OR4F15: variants seen among roughly 807,000 people sequenced by gnomAD.
OR4F15 encodes olfactory receptor family 4 subfamily F member 15.
OR4F15 carries 7 observed loss-of-function variants against 11.9 expected under a neutral mutation model. The observed-to-expected ratio is 0.59, with a 90% CI of 0.33 to 1.10. The LOEUF (loss-of-function observed/expected upper bound fraction) is 1.10. Ranked by LOEUF, OR4F15 falls within the 50% of genes least tolerant of loss-of-function variation. The pLI is 0.03. For missense variants in OR4F15, 445 were observed against 377.5 expected (o/e 1.18, Z -1.48); for synonymous variants, 151 against 134.6 (o/e 1.12, Z -0.84).
intron 1 of OR4F15, among the ~76,000 whole-genome samples, chr15:101,814,343 ATTTC>A (rs1902954818): frequency 6.6e-6 from 1 of 152,064 alleles, no homozygotes. Flanking sequence ...TGGATCACTT[ATTTC>A]TTCATCATTA....
intron 1 of OR4F15, among the ~76,000 whole-genome samples, chr15:101,817,263 G>A (rs1903005466): frequency 6.6e-6 from 1 of 152,198 alleles, no homozygotes; most frequent in African/African-American, 2.4e-5. Context: ...TAGGGATACT[G>A]TGATAATTCC....
At chr15:101,818,118 G>A (rs1292774472) in intron 1 of OR4F15, 32 bp from the exon 2 acceptor site, 2 of 997,612 alleles carry the variant, frequency 2.0e-6, no homozygotes, top group African/African-American at 3.2e-5. Context: ...ACTTGCCTAG[G>A]TAATTCTTTC....
At chr15:101,815,173 G>T (rs780549932) in intron 1 of OR4F15, among the ~76,000 whole-genome samples, 3 of 152,094 alleles carry the variant, frequency 2.0e-5, no homozygotes, top group Non-Finnish European at 2.9e-5. Flanking sequence ...AAATTGCTCT[G>T]ATAACCTTAG....
chr15:101,813,636 A>G (rs536881922), intron 1 of OR4F15, among the ~76,000 whole-genome samples: 66 of 152,304 alleles, frequency 4.3e-4, no homozygotes, highest in Non-Finnish European at 7.4e-5. Context: ...TTCAGAACGT[A>G]GTCTCAGATC....
intron 1 of OR4F15, among the ~76,000 whole-genome samples, chr15:101,816,862 C>T (rs1902997368): frequency 6.6e-6 from 1 of 152,102 alleles, no homozygotes; most frequent in South Asian, 2.1e-4. Context: ...ACTTAATCTC[C>T]ATTACTCAAT....
At position 101,819,251 on chromosome 15, in the gene OR4F15, A is replaced by G. The variant is rs1903061794; in HGVS notation, c.*126A>G. On this transcript the variant is annotated 3_prime_UTR_variant, in exon 2 of 2. Transcript: ENST00000332238. ...TATATGCCTGAAAATTTATGAAATC[A>G]TGGTAACAATTTCACCATTAAATTA... 1.6e-6 allele frequency: 1 copy of G among 635,956 alleles called. No individual in the cohort carries two copies. Among genetic ancestry groups the G allele is most frequent in the East Asian group, 2.7e-5 (1 of 36,460 alleles). The allele number at this position is 635,956 out of a possible 1,614,324, so 39.4% of individuals were successfully genotyped here.
rs770616917 is a variant in OR4F15, at chr15:101,818,300, C to T, written c.114C>T (p.Ser38=). ...TCTCTTTGTTGTTCTACTTTGCGAG[C>T]ATGATGGGAAACCTTGTCATTGTAT... ...FVFSLLFYFA[S]MMGNLVIVFT... The change falls in exon 2 of 2, where the codon AGC becomes AGT. Residue 38 remains serine, a synonymous_variant. Transcript: ENST00000332238. 1.2e-6 allele frequency: 2 copies of T among 1,613,984 alleles called. No individual in the cohort carries two copies. Among genetic ancestry groups the T allele is most frequent in the Non-Finnish European group, 1.7e-6 (2 of 1,179,882 alleles).
chr15:101,817,956 T>C (rs1030462424), intron 1 of OR4F15, among the ~76,000 whole-genome samples, 194 bp from the exon 2 acceptor site: 2 of 152,160 alleles, frequency 1.3e-5, no homozygotes, highest in African/African-American at 4.8e-5. Context: ...AATTTAGTAG[T>C]AGTAGTTTTG....
Position 101,813,038 on chromosome 15 carries a change from A to G in OR4F15, c.-38+766A>G, listed in dbSNP as rs543313187. ...ATTGAGGTGAATAAAACTAGAGGGTACAGATGAGTGATCTTTATTTGCTTT... is the reference window on the plus strand; with the variant it reads ...ATTGAGGTGAATAAAACTAGAGGGTGCAGATGAGTGATCTTTATTTGCTTT... On this transcript the variant is annotated intron_variant, in intron 1 of 1. Coordinates refer to ENST00000332238, the MANE Select transcript of OR4F15 (RefSeq NM_001001674.2). Among the ~76,000 whole-genome samples, 510 of 152,344 alleles carry G rather than the reference A, an allele frequency of 3.3e-3. 2 individuals are homozygous for G. Among genetic ancestry groups the G allele is most frequent in the Non-Finnish European group, 5.9e-3 (400 of 68,030 alleles).
intron 1 of OR4F15, among the ~76,000 whole-genome samples, chr15:101,815,175 T>C (rs1302041814): frequency 6.6e-6 from 1 of 152,204 alleles, no homozygotes; most frequent in Non-Finnish European, 1.5e-5. Flanking sequence ...ATTGCTCTGA[T>C]AACCTTAGAT....
At chr15:101,812,397 C>T (rs1236660360) in intron 1 of OR4F15, 125 bp downstream of exon 1, 1 of 152,124 alleles carries the variant, frequency 6.6e-6, no homozygotes, top group East Asian at 1.9e-4. Flanking sequence ...TAGTTTTTAA[C>T]TAAAACTTAG....
At position 101,818,928 on chromosome 15, in the gene OR4F15, A is replaced by G. The variant is rs898885381; in HGVS notation, c.742A>G (p.Ile248Val). 14 of 1,613,980 alleles carry G rather than the reference A, an allele frequency of 8.7e-6. No homozygotes were observed. The highest frequency in any genetic ancestry group is 1.2e-5 in the Non-Finnish European group (14 of 1,180,006). The change falls in exon 2 of 2, where the codon ATC (isoleucine) becomes GTC (valine). Residue 248 changes from isoleucine (I) to valine (V), a missense_variant. Ile to Val is a conservative substitution (Grantham distance 29). Coordinates refer to ENST00000332238, the MANE Select transcript of OR4F15 (RefSeq NM_001001674.2). Reference sequence around the variant, plus strand: ...CCTGTCAGCTCATGTCACTGTGGTCATCTTGTTCTTTGGGCCACTGATGTT... The same window carrying G: ...CCTGTCAGCTCATGTCACTGTGGTCGTCTTGTTCTTTGGGCCACTGATGTT... ...STLSAHVTVV[I>V]LFFGPLMFFY...
In OR4F15 at chr15:101,819,174, T is replaced by C. The variant is rs1415286576; in HGVS notation, c.*49T>C. 3.9e-6 allele frequency: 5 copies of C among 1,281,228 alleles called. No individual in the cohort carries two copies. The highest frequency in any genetic ancestry group is 3.0e-5 in the African/African-American group (2 of 66,670). The allele number at this position is 1,281,228 out of a possible 1,614,324, so 79.4% of individuals were successfully genotyped here. A position where few individuals can be genotyped will look rare whatever the true frequency, so the allele number is the denominator to read the frequency against. On this transcript the variant is annotated 3_prime_UTR_variant, in exon 2 of 2. Transcript: ENST00000332238. Reference sequence around the variant, plus strand: ...AACTATGGATTACTCCTCATGCTGATTGCATAAAAGAAACTGCAATTTCAG... The same window carrying C: ...AACTATGGATTACTCCTCATGCTGACTGCATAAAAGAAACTGCAATTTCAG...
chr15:101,818,841 A>C lies in OR4F15; in HGVS notation c.655A>C (p.Ile219Leu), dbSNP rs1287853347. The C allele has an allele frequency of 1.9e-6, 3 of 1,613,838 alleles. No homozygotes were observed. The African/African-American group carries it at 4.0e-5, about 22-fold the overall frequency. The stretch of plus-strand genomic sequence containing the variant: ...CTTTGTCTTGCTGGTAATTTCCTAC[A>C]TCTTCATTCTGTTCACTGTTTGGAA... Reference protein sequence around the residue: ...GSFVLLVISYIFILFTVWKHS... With the variant: ...GSFVLLVISYLFILFTVWKHS... The change falls in exon 2 of 2, where the codon ATC becomes CTC. Residue 219 changes from isoleucine (I) to leucine (L), a missense_variant. Transcript: ENST00000332238.
chr15:101,815,300 T>C (rs1902969589), intron 1 of OR4F15, among the ~76,000 whole-genome samples: 1 of 152,194 alleles, frequency 6.6e-6, no homozygotes, highest in Non-Finnish European at 1.5e-5. Flanking sequence ...GCATAAATAC[T>C]TGTCGAATGA....
chr15:101,818,120 A>C, intron 1 of OR4F15, 30 bp from the exon 2 acceptor site: 1 of 1,007,182 alleles, frequency 9.9e-7, no homozygotes, highest in Non-Finnish European at 1.5e-6. Flanking sequence ...TTGCCTAGGT[A>C]ATTCTTTCTC....
Position 101,818,715 on chromosome 15 carries a change from T to G in OR4F15, c.529T>G (p.Phe177Val). The G allele has an allele frequency of 6.2e-7, 1 of 1,614,130 alleles. No individual in the cohort carries two copies. The highest frequency in any genetic ancestry group is 8.5e-7 in the Non-Finnish European group (1 of 1,180,006). ...TTGTGGTCCTAATATCTTTGACAGTTTTTACTGTGATCTCCCTCGGCTCCT... is the reference window on the plus strand; with the variant it reads ...TTGTGGTCCTAATATCTTTGACAGTGTTTACTGTGATCTCCCTCGGCTCCT... Reference protein sequence around the residue: ...PFCGPNIFDSFYCDLPRLLRL... With the variant: ...PFCGPNIFDSVYCDLPRLLRL... The change falls in exon 2 of 2, where the codon TTT becomes GTT. Residue 177 changes from phenylalanine (F) to valine (V), a missense_variant. Phe to Val is a conservative substitution (Grantham distance 50). Transcript: ENST00000332238.
chr15:101,816,046 T>C (rs558000172), intron 1 of OR4F15, among the ~76,000 whole-genome samples: 1 of 152,262 alleles, frequency 6.6e-6, no homozygotes, highest in African/African-American at 2.4e-5. Context: ...AAGATTTTCC[T>C]TTTCCCCCTA....
intron 1 of OR4F15, among the ~76,000 whole-genome samples, chr15:101,813,497 A>G (rs2141619554): frequency 7.3e-6 from 1 of 136,976 alleles, no homozygotes; most frequent in Non-Finnish European, 1.6e-5. Flanking sequence ...TGACAGAGTG[A>G]GAATCTGTCT....
Sources: gnomAD v4.1 joint callset for allele counts (sites outside exome capture counted in the v4.1 genomes callset) on GRCh38, gnomAD v4.1.1 for gene constraint, MANE v1.5 for transcripts, NCBI Gene and HGNC (gene_info 2026-07-23, HGNC 2026-07-21) for gene names.